SLC4A4: variants seen among roughly 807,000 people sequenced by gnomAD.
SLC4A4 encodes the protein solute carrier family 4 member 4.
Under a neutral mutation model 111.5 loss-of-function variants are expected in SLC4A4, and 27 were observed. That is an observed-to-expected ratio of 0.24 (90% CI 0.18 to 0.33). The LOEUF is 0.33. SLC4A4 is among the 10% of genes least tolerant of loss of function. SLC4A4 has a pLI of 1.00. For synonymous variants in SLC4A4, 443 were observed against 463.4 expected, an observed-to-expected ratio of 0.96 and a Z score of 0.57; for missense variants, 909 against 1,315.5, an observed-to-expected ratio of 0.69 and a Z score of 4.78.
At chr4:71,289,836 C>T (rs961067380) in intron 3 of SLC4A4, among the ~76,000 whole-genome samples, 3 of 152,092 alleles carry the variant, frequency 2.0e-5, no homozygotes. Flanking sequence ...CTTCCATGGC[C>T]GTGGATAATT....
At chr4:71,120,758 G>C (rs193163792) in intron 2 of SLC4A4, among the ~76,000 whole-genome samples, 6 of 152,172 alleles carry the variant, frequency 3.9e-5, no homozygotes, top group Non-Finnish European at 2.9e-5. Context: ...ATCCCAGTGA[G>C]AGGTGACAGC....
intron 7 of SLC4A4, among the ~76,000 whole-genome samples, chr4:71,414,703 T>C (rs1056356260): frequency 3.3e-5 from 5 of 152,232 alleles, no homozygotes; most frequent in Admixed American, 1.3e-4. Context: ...ACAATGTTTT[T>C]TCATTTGTCT....
At chr4:71,549,292 T>G (rs1186446502) in intron 20 of SLC4A4, among the ~76,000 whole-genome samples, 1 of 151,846 alleles carries the variant, frequency 6.6e-6, no homozygotes, top group Non-Finnish European at 1.5e-5. Flanking sequence ...CATCAGCTGG[T>G]GGAAAGCCTA....
At chr4:71,402,841 A>G (rs1445198258) in intron 7 of SLC4A4, among the ~76,000 whole-genome samples, 2 of 152,206 alleles carry the variant, frequency 1.3e-5, no homozygotes, top group African/African-American at 4.8e-5. Context: ...TTGTGCTTAG[A>G]TAATTAACAA....
At chr4:71,086,614 AG>A (rs1378102648) in intron 1 of SLC4A4, among the ~76,000 whole-genome samples, 5 of 152,142 alleles carry the variant, frequency 3.3e-5, no homozygotes, top group African/African-American at 1.2e-4. Flanking sequence ...TTTAGCATGA[AG>A]GGTTGTTGAA....
Position 71,179,797 on chromosome 4 carries a change from A to G in SLC4A4, c.-1-56779A>G, listed in dbSNP as rs190662432. ...CTGCCCAAGGTAATTTATAGATTCA[A>G]TGCCATCCCCATCAAGCTACCAATG... On this transcript the variant is annotated intron_variant, in intron 2 of 26. Coordinates refer to the SLC4A4 transcript ENST00000649996. Among the ~76,000 whole-genome samples the G allele has an allele frequency of 5.3e-3, 812 of 152,296 alleles. 14 individuals carry two copies. The highest frequency in any genetic ancestry group is 0.019 in the African/African-American group (775 of 41,558).
At chr4:71,486,466 C>T (rs1343829916) in intron 14 of SLC4A4, among the ~76,000 whole-genome samples, 1 of 151,392 alleles carries the variant, frequency 6.6e-6, no homozygotes, top group Non-Finnish European at 1.5e-5. Context: ...CTTGTTTTCA[C>T]ACATTTTGCA....
chr4:71,567,963 T>A lies in SLC4A4; in HGVS notation c.*212T>A. On this transcript the variant is annotated 3_prime_UTR_variant, in exon 26 of 26. Transcript: ENST00000264485. ...TGTTTTTGTTTGGCTGTTTGTTTAT[T>A]TTTTAACTTTTATTTCGTCTCAGTT... The A allele has an allele frequency of 1.0e-6, 1 of 961,130 alleles. No individual in the cohort carries two copies. The highest frequency in any genetic ancestry group is 1.6e-6 in the Non-Finnish European group (1 of 630,454). 59.5% of individuals were successfully genotyped at this position (961,130 alleles called of 1,614,324 possible).
chr4:71,228,789 G>T (rs1053083674), intron 1 of SLC4A4, among the ~76,000 whole-genome samples: 8 of 152,132 alleles, frequency 5.3e-5, no homozygotes, highest in African/African-American at 1.9e-4. Flanking sequence ...AGAGGTTACT[G>T]GTGCAGAAAA....
At chr4:71,203,410 T>C (rs532519684) in intron 1 of SLC4A4, among the ~76,000 whole-genome samples, 1 of 152,326 alleles carries the variant, frequency 6.6e-6, no homozygotes, top group Non-Finnish European at 1.5e-5. Context: ...GACAAAATTA[T>C]GTATTGTGTC....
chr4:71,372,360 G>A (rs191622554), intron 6 of SLC4A4, among the ~76,000 whole-genome samples: 5 of 152,174 alleles, frequency 3.3e-5, no homozygotes, highest in African/African-American at 9.7e-5. Context: ...AGATCTCACC[G>A]GCAGGCCTGA....
At chr4:71,508,518 A>G (rs1207505336) in intron 16 of SLC4A4, among the ~76,000 whole-genome samples, 1 of 152,176 alleles carries the variant, frequency 6.6e-6, no homozygotes. Flanking sequence ...GAACAAATGG[A>G]TAAATTCCTG....
At chr4:71,431,091 C>G (rs900505795) in intron 7 of SLC4A4, among the ~76,000 whole-genome samples, 1 of 152,070 alleles carries the variant, frequency 6.6e-6, no homozygotes, top group Non-Finnish European at 1.5e-5. Context: ...CCCTCAGGCA[C>G]TTTTCTAGAC....
chr4:71,398,584 A>G (rs532892174), intron 7 of SLC4A4, among the ~76,000 whole-genome samples: 1 of 152,314 alleles, frequency 6.6e-6, no homozygotes, highest in South Asian at 2.1e-4. Context: ...AAAAATTTCA[A>G]AGTTTTGAAG....
At chr4:71,308,197 A>G (rs920318283) in intron 3 of SLC4A4, among the ~76,000 whole-genome samples, 1 of 152,306 alleles carries the variant, frequency 6.6e-6, no homozygotes, top group Non-Finnish European at 1.5e-5. Context: ...TGAGAAAAAA[A>G]ATCATATACC....
At chr4:71,415,010 AATTAT>A (rs928069782) in intron 7 of SLC4A4, among the ~76,000 whole-genome samples, 9 of 152,178 alleles carry the variant, frequency 5.9e-5, no homozygotes, top group Non-Finnish European at 8.8e-5. Context: ...TATCATGAGG[AATTAT>A]ATTATATTTG....
intron 2 of SLC4A4, among the ~76,000 whole-genome samples, chr4:71,174,882 T>C (rs1018109485): frequency 6.6e-6 from 1 of 152,182 alleles, no homozygotes; most frequent in Non-Finnish European, 1.5e-5. Flanking sequence ...TTACAGCAAT[T>C]TCCTTCCGAA....
chr4:71,148,649 T>G (rs1359805950), intron 2 of SLC4A4, among the ~76,000 whole-genome samples: 1 of 152,166 alleles, frequency 6.6e-6, no homozygotes, highest in East Asian at 1.9e-4. Flanking sequence ...GCATGTGGTA[T>G]TTGGTTTTCT....
chr4:71,272,385 G>A (rs569916065), intron 3 of SLC4A4, among the ~76,000 whole-genome samples: 34 of 152,270 alleles, frequency 2.2e-4, no homozygotes, highest in African/African-American at 8.2e-4. Context: ...TGTAGATAAG[G>A]AAAGTGAGGC....
Sources: gnomAD v4.1 joint callset for allele counts (sites outside exome capture counted in the v4.1 genomes callset) on GRCh38, gnomAD v4.1.1 for gene constraint, MANE v1.5 for transcripts, NCBI Gene and HGNC (gene_info 2026-07-23, HGNC 2026-07-21) for gene names.